NCOA1: variants seen among roughly 807,000 people sequenced by gnomAD.
NCOA1 encodes nuclear receptor coactivator 1.
In NCOA1, 35 loss-of-function variants were observed where a neutral mutation model predicts 150.9. That is an observed-to-expected ratio of 0.23 (90% CI 0.18 to 0.31). The LOEUF is 0.31. NCOA1 is among the 10% of genes least tolerant of loss of function. The pLI, the probability that NCOA1 is intolerant of heterozygous loss-of-function variation, is 1.00. For missense variants in NCOA1, 1,491 were observed against 1,749.3 expected, an observed-to-expected ratio of 0.85 and a Z score of 2.63; for synonymous variants, 590 against 630.0, an observed-to-expected ratio of 0.94 and a Z score of 0.95.
At chr2:24,619,676 G>A (rs1669035942) in intron 3 of NCOA1, among the ~76,000 whole-genome samples, 1 of 152,138 alleles carries the variant, frequency 6.6e-6, no homozygotes, top group African/African-American at 2.4e-5. Flanking sequence ...GTAATTATTT[G>A]GTCGGGGCAG....
chr2:24,688,493 C>CT lies in NCOA1; in HGVS notation c.533-2987dup, dbSNP rs1200314948. On this transcript the variant is annotated intron_variant, in intron 8 of 22. Coordinates refer to ENST00000348332, the MANE Select transcript of NCOA1 (RefSeq NM_003743.5). Reference sequence around the variant, plus strand: ...CATTGTGGTTTTGATGTGCATTTCTCTAATAATCAGTGATATTGAGCTTTT... The same window carrying CT: ...CATTGTGGTTTTGATGTGCATTTCTCTTAATAATCAGTGATATTGAGCTTTT... Among the ~76,000 whole-genome samples the CT allele has an allele frequency of 3.5e-4, 54 of 152,198 alleles. 1 individual carries two copies. Among genetic ancestry groups the CT allele is most frequent in the Admixed American group, 3.5e-3 (54 of 15,278 alleles).
intron 20 of NCOA1, among the ~76,000 whole-genome samples, chr2:24,752,546 C>A (rs943559553): frequency 6.6e-6 from 1 of 152,160 alleles, no homozygotes; most frequent in African/African-American, 2.4e-5. Context: ...TGATCTAGGT[C>A]CCCAACCTTT....
chr2:24,682,559 T>C (rs1184178132), intron 7 of NCOA1, among the ~76,000 whole-genome samples: 1 of 152,198 alleles, frequency 6.6e-6, no homozygotes, highest in South Asian at 2.1e-4. Flanking sequence ...TTGTACCATA[T>C]ACTCCAGCAG....
In NCOA1 at chr2:24,707,018, C is replaced by T; in HGVS notation, c.1548C>T (p.Ser516=). 6.2e-7 allele frequency: 1 copy of T among 1,614,160 alleles called. No individual in the cohort carries two copies. The highest frequency in any genetic ancestry group is 8.5e-7 in the Non-Finnish European group (1 of 1,180,030). ...TTCCTCCTAATATTTCGACATTAAG[C>T]TCTCCCGTTGGCATGACAAGTAGTG... ...NSFPPNISTL[S]SPVGMTSSAC... Residue 516 remains serine, a synonymous_variant, in exon 13 of 23, where the codon AGC becomes AGT. Coordinates refer to ENST00000348332, the MANE Select transcript of NCOA1 (RefSeq NM_003743.5).
chr2:24,688,687 G>A (rs966306086), intron 8 of NCOA1, among the ~76,000 whole-genome samples: 4 of 151,976 alleles, frequency 2.6e-5, no homozygotes, highest in Admixed American at 1.3e-4. Context: ...TATTTTCTCC[G>A]ATTCTGTAGG....
intron 3 of NCOA1, among the ~76,000 whole-genome samples, chr2:24,636,429 AT>A (rs1293621192): frequency 2.0e-5 from 3 of 152,296 alleles, no homozygotes; most frequent in Non-Finnish European, 1.5e-5. Context: ...CACCTTGTGA[AT>A]TCACCTTACT....
In NCOA1 at chr2:24,665,916, G is replaced by C; in HGVS notation, c.256+1G>C. ...CAGCTAATGAAGAGAATGGAACAAG[G>C]TAAAAAAGAAAAAGAAAACCCATGG... On this transcript the variant is annotated splice_donor_variant, in intron 6 of 22. Coordinates refer to ENST00000348332, the MANE Select transcript of NCOA1 (RefSeq NM_003743.5). LOFTEE classifies it high-confidence loss of function. The C allele has an allele frequency of 7.0e-7, 1 of 1,431,566 alleles. No individual in the cohort carries two copies. Among genetic ancestry groups the C allele is most frequent in the Non-Finnish European group, 9.2e-7 (1 of 1,086,802 alleles). The allele number at this position is 1,431,566 out of a possible 1,614,324, so 88.7% of individuals were successfully genotyped here. A position where few individuals can be genotyped will look rare whatever the true frequency, so the allele number is the denominator to read the frequency against.
chr2:24,576,381 C>A lies in NCOA1; in HGVS notation c.-259-8095C>A, dbSNP rs1330813842. 2.6e-5 allele frequency among the ~76,000 whole-genome samples: 4 copies of A among 151,902 alleles called. No homozygotes were observed. The East Asian group carries it at 7.7e-4, about 29-fold the overall frequency. On this transcript the variant is annotated intron_variant, in intron 2 of 22. Transcript: ENST00000348332. ...CACTAAGTGTCAATCTTTGTGACCTCAACTCTTTGAGACTGTAAGGTTCTG... is the reference window on the plus strand; with the variant it reads ...CACTAAGTGTCAATCTTTGTGACCTAAACTCTTTGAGACTGTAAGGTTCTG...
intron 2 of NCOA1, among the ~76,000 whole-genome samples, chr2:24,569,592 C>T (rs1299981730): frequency 2.2e-5 from 2 of 89,978 alleles, no homozygotes; most frequent in African/African-American, 8.3e-5. Flanking sequence ...TGAATTTGGG[C>T]TAGGTACGGT....
chr2:24,500,300 G>C (rs1224897586), intron 1 of NCOA1, among the ~76,000 whole-genome samples: 1 of 152,116 alleles, frequency 6.6e-6, no homozygotes, highest in African/African-American at 2.4e-5. Context: ...TGGAGACGGG[G>C]TTTCTCCATG....
At chr2:24,664,644 G>A (rs1469713060) in intron 5 of NCOA1, among the ~76,000 whole-genome samples, 1 of 151,894 alleles carries the variant, frequency 6.6e-6, no homozygotes, top group Non-Finnish European at 1.5e-5. Context: ...GGAGGCAGAG[G>A]TTGCAGTGAG....
At chr2:24,733,354 C>T (rs188936404) in intron 17 of NCOA1, among the ~76,000 whole-genome samples, 35 of 152,116 alleles carry the variant, frequency 2.3e-4, no homozygotes, top group African/African-American at 7.5e-4. Flanking sequence ...ACACCATTAG[C>T]GCACTAAAAA....
chr2:24,500,436 A>G (rs1253909370), intron 1 of NCOA1, among the ~76,000 whole-genome samples: 1 of 152,188 alleles, frequency 6.6e-6, no homozygotes, highest in Non-Finnish European at 1.5e-5. Flanking sequence ...AATTATCCGC[A>G]AAATGGAAGA....
Position 24,691,528 on chromosome 2 carries a change from A to G in NCOA1, c.580A>G (p.Thr194Ala). The change falls in exon 9 of 23, where the codon ACC becomes GCC. Residue 194 changes from threonine (T) to alanine (A), a missense_variant. By Grantham distance (58) the Thr-to-Ala change is moderately conservative. Around this residue, in one of 8 missense-constraint regions of NCOA1, gnomAD observed 99 missense variants for 122.8 expected, o/e 0.81. Transcript: ENST00000348332. Reference protein sequence around the residue: ...PQEATRRNSHTFNCRMLIHPP... With the variant: ...PQEATRRNSHAFNCRMLIHPP... Reference sequence around the variant, plus strand: ...AGAGGCAACACGACGAAATAGCCATACCTTTAACTGCAGGATGCTAATTCA... The same window carrying G: ...AGAGGCAACACGACGAAATAGCCATGCCTTTAACTGCAGGATGCTAATTCA... 2 of 1,614,172 alleles carry G rather than the reference A, an allele frequency of 1.2e-6. No individual in the cohort carries two copies. Among genetic ancestry groups the G allele is most frequent in the Non-Finnish European group, 1.7e-6 (2 of 1,180,000 alleles).
chr2:24,691,099 A>G (rs1350642680), intron 8 of NCOA1, among the ~76,000 whole-genome samples: 3 of 152,188 alleles, frequency 2.0e-5, no homozygotes, highest in Non-Finnish European at 4.4e-5. Context: ...CCACTTACCA[A>G]TGTACCTGTG....
chr2:24,766,947 G>A (rs746296914), intron 22 of NCOA1, among the ~76,000 whole-genome samples: 3 of 152,104 alleles, frequency 2.0e-5, no homozygotes, highest in Non-Finnish European at 2.9e-5. Context: ...TAGGGAAAGG[G>A]GAAGAGAAGG....
intron 14 of NCOA1, among the ~76,000 whole-genome samples, chr2:24,717,270 T>C (rs1426585245): frequency 1.3e-5 from 2 of 152,208 alleles, no homozygotes; most frequent in African/African-American, 4.8e-5. Flanking sequence ...CCAAATGAGT[T>C]GAAAACTTAT....
chr2:24,526,500 T>C (rs1214969959), intron 1 of NCOA1, among the ~76,000 whole-genome samples: 1 of 149,604 alleles, frequency 6.7e-6, no homozygotes, highest in Admixed American at 6.6e-5. Flanking sequence ...TTTGGACTAT[T>C]GTCTCGACCT....
Position 24,691,632 on chromosome 2 carries a change from G to A in NCOA1, c.684G>A (p.Gln228=). 6.2e-7 allele frequency: 1 copy of A among 1,613,992 alleles called. No individual in the cohort carries two copies. ...YEVMQCFTVS[Q]PKSIQEDGED... ...TAATGCAGTGTTTCACTGTGTCACA[G>A]CCAAAATCAATTCAAGAGGATGGAG... is the stretch of plus-strand genomic sequence containing the variant. Residue 228 remains glutamine (Q), a synonymous_variant, in exon 9 of 23, where the codon CAG becomes CAA. Transcript: ENST00000348332.
Sources: gnomAD v4.1 joint callset for allele counts (sites outside exome capture counted in the v4.1 genomes callset) on GRCh38, gnomAD v4.1.1 for gene constraint, gnomAD v4.1.1 regional missense constraint, MANE v1.5 for transcripts, NCBI Gene and HGNC (gene_info 2026-07-23, HGNC 2026-07-21) for gene names.